MAGI2: variants seen among roughly 807,000 people sequenced by gnomAD.
MAGI2 encodes the protein membrane associated guanylate kinase, WW and PDZ domain containing 2.
Under a neutral mutation model 133.3 loss-of-function variants are expected in MAGI2, and 35 were observed. The observed-to-expected ratio is 0.26, with a 90% CI of 0.20 to 0.35. The LOEUF (loss-of-function observed/expected upper bound fraction) is 0.35. MAGI2 is among the 10% of genes least tolerant of loss of function. MAGI2 has a pLI of 1.00. For synonymous variants in MAGI2, 729 were observed against 710.6 expected (o/e 1.03, Z -0.41); for missense variants, 1,636 against 1,863.4 (o/e 0.88, Z 2.25).
chr7:78,445,998 C>T (rs1176791276), intron 6 of MAGI2, among the ~76,000 whole-genome samples: 1 of 149,748 alleles, frequency 6.7e-6, no homozygotes, highest in Non-Finnish European at 1.5e-5. Flanking sequence ...GTGCTTTTTC[C>T]TCTTCTCTTG....
chr7:79,151,127 C>T (rs1022561235), intron 1 of MAGI2, among the ~76,000 whole-genome samples: 3 of 151,936 alleles, frequency 2.0e-5, no homozygotes, highest in Non-Finnish European at 2.9e-5. Flanking sequence ...TTGTTGCAGA[C>T]GAAGATGGCT....
chr7:78,798,190 A>G (rs1001594990), intron 2 of MAGI2, among the ~76,000 whole-genome samples: 4 of 152,178 alleles, frequency 2.6e-5, no homozygotes, highest in African/African-American at 9.7e-5. Flanking sequence ...TTGGCAATAA[A>G]CCAATTAATA....
At chr7:79,418,804 A>G (rs1000789635) in intron 1 of MAGI2, among the ~76,000 whole-genome samples, 1 of 149,602 alleles carries the variant, frequency 6.7e-6, no homozygotes, top group African/African-American at 2.5e-5. Flanking sequence ...CCCAACAATG[A>G]AAAAAAAAGC....
chr7:78,618,699 A>G (rs1398179021), intron 3 of MAGI2: 2 of 151,954 alleles, frequency 1.3e-5, no homozygotes, highest in African/African-American at 4.8e-5. Context: ...TAAAAAGCAG[A>G]AAATTCTGTC....
chr7:79,284,958 A>G (rs1835899303), intron 1 of MAGI2, among the ~76,000 whole-genome samples: 2 of 151,984 alleles, frequency 1.3e-5, no homozygotes, highest in Admixed American at 1.3e-4. Flanking sequence ...TTATATTCAT[A>G]TCACATATAT....
At chr7:79,148,877 A>G (rs1822907905) in intron 1 of MAGI2, among the ~76,000 whole-genome samples, 1 of 146,872 alleles carries the variant, frequency 6.8e-6, no homozygotes, top group African/African-American at 2.5e-5. Flanking sequence ...TTTTATATAC[A>G]TATATATGTT....
At chr7:78,686,733 A>C (rs1318439024) in intron 2 of MAGI2, among the ~76,000 whole-genome samples, 1 of 152,172 alleles carries the variant, frequency 6.6e-6, no homozygotes, top group Admixed American at 6.5e-5. Context: ...CTATCTTCAT[A>C]TGACAGCCTA....
chr7:79,141,166 A>T (rs1246826363), intron 1 of MAGI2, among the ~76,000 whole-genome samples: 1 of 151,804 alleles, frequency 6.6e-6, no homozygotes, highest in East Asian at 1.9e-4. Flanking sequence ...GCCGCTCTTG[A>T]CAGTTTTTCA....
At chr7:79,395,790 A>G (rs984708) in intron 1 of MAGI2, among the ~76,000 whole-genome samples, 28,311 of 152,040 alleles carry the variant, frequency 0.19, 3,027 homozygotes, top group African/African-American at 0.29. Context: ...TGTTTCATGT[A>G]TATGTTTGTT....
chr7:78,322,324 G>A (rs913356542), intron 9 of MAGI2, among the ~76,000 whole-genome samples: 3 of 151,978 alleles, frequency 2.0e-5, no homozygotes, highest in Non-Finnish European at 4.4e-5. Flanking sequence ...TGTTTATTGC[G>A]GCACTATTTA....
intron 1 of MAGI2, among the ~76,000 whole-genome samples, chr7:79,272,248 G>A (rs1355724119): frequency 6.6e-6 from 1 of 151,930 alleles, no homozygotes; most frequent in Non-Finnish European, 1.5e-5. Flanking sequence ...AACACCTGTT[G>A]GAATTCTACT....
chr7:78,707,750 A>T (rs1223612492), intron 2 of MAGI2, among the ~76,000 whole-genome samples: 2 of 152,104 alleles, frequency 1.3e-5, no homozygotes, highest in Non-Finnish European at 2.9e-5. Context: ...TTATTGCTTT[A>T]ATGAGATAAT....
chr7:78,829,084 G>C (rs910981435), intron 2 of MAGI2, among the ~76,000 whole-genome samples: 3 of 151,944 alleles, frequency 2.0e-5, no homozygotes, highest in African/African-American at 4.8e-5. Context: ...TGTGTATTTT[G>C]TGCAGTTACA....
chr7:78,341,590 C>T (rs117870566), intron 9 of MAGI2, among the ~76,000 whole-genome samples: 5,592 of 152,130 alleles, frequency 0.037, 157 homozygotes, highest in South Asian at 0.13. Context: ...AAAATAGCAT[C>T]GTACTGGTAC....
At chr7:78,674,681 T>C (rs370605840) in intron 2 of MAGI2, among the ~76,000 whole-genome samples, 9 of 152,242 alleles carry the variant, frequency 5.9e-5, no homozygotes, top group East Asian at 1.9e-4. Context: ...CAAATTATTG[T>C]ACAGAGAATT....
At chr7:78,148,612 G>C (rs377531188) in intron 16 of MAGI2, among the ~76,000 whole-genome samples, 2 of 152,296 alleles carry the variant, frequency 1.3e-5, no homozygotes, top group East Asian at 3.9e-4. Context: ...AAAGTGTAAG[G>C]GTTGGAAGTC....
At chr7:79,063,000 T>A (rs1213942587) in intron 1 of MAGI2, among the ~76,000 whole-genome samples, 1 of 152,150 alleles carries the variant, frequency 6.6e-6, no homozygotes, top group African/African-American at 2.4e-5. Flanking sequence ...GCTTTCCTTA[T>A]GCTGCTTGAT....
chr7:78,781,129 AG>A (rs1357916138), intron 2 of MAGI2, among the ~76,000 whole-genome samples: 1 of 152,224 alleles, frequency 6.6e-6, no homozygotes, highest in Non-Finnish European at 1.5e-5. Context: ...CTGTAATCCC[AG>A]CACTCTGGGA....
At chr7:78,385,010 T>C (rs1469010720) in intron 6 of MAGI2, among the ~76,000 whole-genome samples, 1 of 152,154 alleles carries the variant, frequency 6.6e-6, no homozygotes, top group African/African-American at 2.4e-5. Flanking sequence ...TAACATCAGT[T>C]TTGCTTTTGC....
Sources: allele counts gnomAD v4.1 joint callset (sites outside exome capture counted in the v4.1 genomes callset), GRCh38; gene constraint gnomAD v4.1.1; transcripts MANE v1.5; gene names NCBI Gene and HGNC (gene_info 2026-07-23, HGNC 2026-07-21).